The following SNAPC1 variants were observed in gnomAD, a reference collection of about 807,000 sequenced individuals.
The protein encoded by SNAPC1 is snRNA-activating protein complex subunit 1.
Under a neutral mutation model 50.1 loss-of-function variants are expected in SNAPC1, and 42 were observed. That is an observed-to-expected ratio of 0.84 (90% CI 0.65 to 1.08). The LOEUF (loss-of-function observed/expected upper bound fraction) is 1.08, where lower values mean the gene tolerates loss of function less well. SNAPC1 is among the 50% of genes least tolerant of loss of function. SNAPC1 has a pLI of 0.00. For missense variants in SNAPC1, 477 were observed against 427.3 expected, an observed-to-expected ratio of 1.12 and a Z score of -1.02; for synonymous variants, 164 against 144.2, an observed-to-expected ratio of 1.14 and a Z score of -0.98.
chr14:61,762,455 G>GAGGCGTGCGGGCTTC lies in SNAPC1; in HGVS notation c.-6_-5insAGGCGTGCGGGCTTC, dbSNP rs376062558. 435 of 1,609,454 alleles carry GAGGCGTGCGGGCTTC rather than the reference G, an allele frequency of 2.7e-4. No individual in the cohort carries two copies. Among genetic ancestry groups the GAGGCGTGCGGGCTTC allele is most frequent in the Middle Eastern group, 5.0e-4 (3 of 6,014 alleles). On this transcript the variant is annotated 5_prime_UTR_variant, in exon 1 of 10. Transcript: ENST00000216294. ...GGGCTTCGGAGGCGTGCGGGCTTCG[G>GAGGCGTGCGGGCTTC]GTGCCATGGGGACTCCTCCCGGCCT...
At chr14:61,767,158 G>C in intron 2 of SNAPC1, 54 bp from the exon 3 acceptor site, 1 of 1,276,082 alleles carries the variant, frequency 7.8e-7, no homozygotes, top group South Asian at 2.5e-5. Context: ...ATTATAATAT[G>C]TTTGTGAAAA....
intron 8 of SNAPC1, among the ~76,000 whole-genome samples, chr14:61,784,537 G>A (rs937905538): frequency 6.6e-6 from 1 of 152,076 alleles, no homozygotes; most frequent in Non-Finnish European, 1.5e-5. Context: ...AATAGTTTAG[G>A]TTTTGTGAGC....
rs2044965516 is a variant in SNAPC1 at position 61,768,572 on chromosome 14, T to C, written c.430-64T>C. 3.3e-6 allele frequency: 3 copies of C among 897,328 alleles called. No homozygotes were observed. In the Admixed American group the frequency reaches 6.6e-5, roughly 20 times the overall value. The allele number at this position is 897,328 out of a possible 1,614,324, so 55.6% of individuals were successfully genotyped here. A position where few individuals can be genotyped will look rare whatever the true frequency, so the allele number is the denominator to read the frequency against. ...GACAATTTTTAGTGCTGGCTTATATTTCAATACTTTTAACAATACTGTTTA... is the reference window on the plus strand; with the variant it reads ...GACAATTTTTAGTGCTGGCTTATATCTCAATACTTTTAACAATACTGTTTA... On this transcript the variant is annotated intron_variant, in intron 3 of 9. Coordinates refer to ENST00000216294, the MANE Select transcript of SNAPC1 (RefSeq NM_003082.4).
At chr14:61,774,068 A>G (rs1466122969) in intron 4 of SNAPC1, among the ~76,000 whole-genome samples, 1 of 152,078 alleles carries the variant, frequency 6.6e-6, no homozygotes, top group African/African-American at 2.4e-5. Flanking sequence ...GTATAAGGTG[A>G]GGCACAATAA....
At chr14:61,789,522 C>A (rs985570195) in intron 8 of SNAPC1, among the ~76,000 whole-genome samples, 3 of 152,002 alleles carry the variant, frequency 2.0e-5, no homozygotes, top group Non-Finnish European at 2.9e-5. Flanking sequence ...TTTTGTATAA[C>A]CAAGTGTTAC....
chr14:61,771,866 C>T (rs2044993619), intron 4 of SNAPC1, among the ~76,000 whole-genome samples: 1 of 152,064 alleles, frequency 6.6e-6, no homozygotes, highest in African/African-American at 2.4e-5. Context: ...GGCAAACAGA[C>T]CTGATTGCCT....
chr14:61,791,309 C>G (rs938117117), intron 8 of SNAPC1, among the ~76,000 whole-genome samples: 3 of 152,170 alleles, frequency 2.0e-5, no homozygotes, highest in Non-Finnish European at 4.4e-5. Context: ...CACCCCCAGC[C>G]AAAATTTACT....
At chr14:61,787,563 GA>G (rs1214844089) in intron 8 of SNAPC1, among the ~76,000 whole-genome samples, 1 of 152,202 alleles carries the variant, frequency 6.6e-6, no homozygotes, top group East Asian at 1.9e-4. Flanking sequence ...ATGAGGTACA[GA>G]AATCGGAAGT....
At chr14:61,792,049 GCCAAGA>G (rs2140187130) in intron 8 of SNAPC1, among the ~76,000 whole-genome samples, 3 of 150,880 alleles carry the variant, frequency 2.0e-5, no homozygotes, top group African/African-American at 7.3e-5. Context: ...GTTGCAATGA[GCCAAGA>G]TCGCGCCACT....
chr14:61,776,110 C>A lies in SNAPC1; in HGVS notation c.550C>A (p.His184Asn). The A allele has an allele frequency of 1.3e-6, 2 of 1,592,488 alleles. No individual in the cohort carries two copies. Among genetic ancestry groups the A allele is most frequent in the South Asian group, 2.3e-5 (2 of 86,616 alleles). ...TTGCTTTTAGGAAATGCTGAATGTT[C>A]ATGATCATTATCAGAACATGAAACA... ...SDVLEEMLNVHDHYQNMKHVI... is the reference protein window; with the variant it reads ...SDVLEEMLNVNDHYQNMKHVI... The change falls in exon 5 of 10, where the codon CAT becomes AAT. Residue 184 changes from histidine (H) to asparagine (N), a missense_variant. Coordinates refer to ENST00000216294, the MANE Select transcript of SNAPC1 (RefSeq NM_003082.4).
At chr14:61,776,072 A>G (rs1003083195) in intron 4 of SNAPC1, 23 bp from the exon 5 acceptor site, 3 of 1,555,608 alleles carry the variant, frequency 1.9e-6, no homozygotes, top group African/African-American at 2.8e-5. Context: ...GAAGAAATAA[A>G]GGACTCATCT....
intron 7 of SNAPC1, 65 bp from the exon 8 acceptor site, chr14:61,782,182 C>T (rs2045079917): frequency 1.7e-6 from 2 of 1,187,986 alleles, no homozygotes; most frequent in African/African-American, 3.1e-5. Context: ...ATTTTGTCTT[C>T]CTCTCAATTT....
chr14:61,773,442 G>A (rs1186736263), intron 4 of SNAPC1, among the ~76,000 whole-genome samples: 51 of 124,928 alleles, frequency 4.1e-4, no homozygotes, highest in African/African-American at 1.4e-3. Flanking sequence ...TCCCTCTGTC[G>A]CCCAGGCTGG....
At position 61,767,038 on chromosome 14, in the gene SNAPC1, A is replaced by G; in HGVS notation, c.288+3A>G. ...AACTGTGTCAACCAAAACAAAAGGT[A>G]ATACTTAGTGAGTTATTTTTCCTTA... On this transcript the variant is annotated splice_donor_region_variant and intron_variant, in intron 2 of 9. Transcript: ENST00000216294. The G allele has an allele frequency of 2.0e-6, 3 of 1,528,654 alleles. No individual in the cohort carries two copies. The highest frequency in any genetic ancestry group is 1.7e-4 in the Middle Eastern group (1 of 5,812). The allele number at this position is 1,528,654 out of a possible 1,614,324, so 94.7% of individuals were successfully genotyped here.
At chr14:61,770,535 T>C (rs1027815281) in intron 4 of SNAPC1, among the ~76,000 whole-genome samples, 3 of 152,132 alleles carry the variant, frequency 2.0e-5, no homozygotes, top group African/African-American at 7.2e-5. Flanking sequence ...TGAGCCACTG[T>C]GCCCGGTCGC....
At chr14:61,767,780 G>T (rs372784666) in intron 3 of SNAPC1, among the ~76,000 whole-genome samples, 55 of 146,044 alleles carry the variant, frequency 3.8e-4, no homozygotes, top group Admixed American at 3.0e-3. Flanking sequence ...AACTTTTTTT[G>T]TGTGTGTGTG....
intron 8 of SNAPC1, among the ~76,000 whole-genome samples, chr14:61,792,059 C>T (rs1016296391): frequency 2.8e-4 from 42 of 149,876 alleles, no homozygotes; most frequent in African/African-American, 1.0e-3. Flanking sequence ...GCCAAGATCG[C>T]GCCACTGCAC....
At chr14:61,792,786 T>A (rs1281407581) in intron 8 of SNAPC1, 21 bp from the exon 9 acceptor site, 1 of 1,312,266 alleles carries the variant, frequency 7.6e-7, no homozygotes, top group Non-Finnish European at 1.1e-6. Context: ...TCATATAAAA[T>A]CATTTTCTAA....
At chr14:61,767,101 ATAT>A (rs1392917702) in intron 2 of SNAPC1, 66 bp downstream of exon 2, 1 of 1,098,892 alleles carries the variant, frequency 9.1e-7, no homozygotes, top group Non-Finnish European at 1.2e-6. Context: ...TTTATAATAA[ATAT>A]TATATGATTA....
Sources: allele counts gnomAD v4.1 joint callset (sites outside exome capture counted in the v4.1 genomes callset), GRCh38; gene constraint gnomAD v4.1.1; transcripts MANE v1.5; gene names NCBI Gene and HGNC (gene_info 2026-07-23, HGNC 2026-07-21).